The following UBE2T variants were observed in gnomAD, a reference collection of about 807,000 sequenced individuals.
The protein encoded by UBE2T is ubiquitin-conjugating enzyme E2 T.
In UBE2T, 15 loss-of-function variants were observed where a neutral mutation model predicts 23.3. The ratio of observed to expected loss-of-function variants is 0.64; its 90% CI spans 0.43 to 0.99. The LOEUF (loss-of-function observed/expected upper bound fraction) is 0.99, where lower values mean the gene tolerates loss of function less well. Ranked by LOEUF, UBE2T falls within the 50% of genes least tolerant of loss-of-function variation. The pLI is 0.00. For missense variants in UBE2T, 197 were observed against 234.9 expected (o/e 0.84, Z 1.05); for synonymous variants, 67 against 78.4 (o/e 0.85, Z 0.77).
intron 1 of UBE2T, among the ~76,000 whole-genome samples, chr1:202,341,150 C>T (rs1279884816): frequency 6.6e-6 from 1 of 152,234 alleles, no homozygotes; most frequent in African/African-American, 2.4e-5. Context: ...GCATCGTGTT[C>T]TAATTCACCT....
In UBE2T at chr1:202,333,504, T is replaced by C. The variant is rs1245382301; in HGVS notation, c.231A>G (p.Pro77=). The change falls in exon 4 of 7, where the codon CCA becomes CCG. Residue 77 remains proline, a synonymous_variant. Coordinates refer to ENST00000646651, the MANE Select transcript of UBE2T (RefSeq NM_014176.4). ...AAATCCTTCCAGCAGAATCAATGTT[T>C]GGATGATAAATTGGAGTGAGAAATC... is the stretch of plus-strand genomic sequence containing the variant. ...QIRFLTPIYH[P]NIDSAGRICL... 4 of 1,614,050 alleles carry C rather than the reference T, an allele frequency of 2.5e-6. No individual in the cohort carries two copies. The highest frequency in any genetic ancestry group is 3.4e-6 in the Non-Finnish European group (4 of 1,180,042).
chr1:202,333,054 T>A lies in UBE2T; in HGVS notation c.424A>T (p.Asn142Tyr). 1 of 1,613,948 alleles carries A rather than the reference T, an allele frequency of 6.2e-7. No individual in the cohort carries two copies. Among genetic ancestry groups the A allele is most frequent in the Non-Finnish European group, 8.5e-7 (1 of 1,179,950 alleles). ...FKYNKPAFLKNARQWTEKHAR... is the reference protein window; with the variant it reads ...FKYNKPAFLKYARQWTEKHAR... ...TGCTTCTCTGTCCACTGTCTGGCAT[T>A]CTTGAGGAAGGCTGGCTTATTATAT... Residue 142 changes from asparagine to tyrosine, a missense_variant, in exon 6 of 7, where the codon AAT (asparagine) becomes TAT (tyrosine). Coordinates refer to ENST00000646651, the MANE Select transcript of UBE2T (RefSeq NM_014176.4).
Position 202,335,140 on chromosome 1 carries a change from G to C in UBE2T, c.110-82C>G. On this transcript the variant is annotated intron_variant, in intron 2 of 6. Coordinates refer to ENST00000646651, the MANE Select transcript of UBE2T (RefSeq NM_014176.4). The surrounding 1 kb of genome is among the most constrained non-coding windows in gnomAD (Gnocchi z 4.0). Reference sequence around the variant, plus strand: ...CCATATGGAGCTAATGAGGTCTATGGTCCTAATAGAGAAACTAGGCCTAGG... The same window carrying C: ...CCATATGGAGCTAATGAGGTCTATGCTCCTAATAGAGAAACTAGGCCTAGG... 2 of 1,168,170 alleles carry C rather than the reference G, an allele frequency of 1.7e-6. No individual in the cohort carries two copies. The highest frequency in any genetic ancestry group is 1.2e-6 in the Non-Finnish European group (1 of 819,518). 72.4% of individuals were successfully genotyped at this position (1,168,170 alleles called of 1,614,324 possible). A position where few individuals can be genotyped will look rare whatever the true frequency, so the allele number is the denominator to read the frequency against.
intron 3 of UBE2T, 90 bp downstream of exon 3, chr1:202,334,899 A>G: frequency 2.5e-6 from 3 of 1,208,786 alleles, no homozygotes; most frequent in Non-Finnish European, 3.5e-6. Flanking sequence ...ATTAAAACCT[A>G]GTCCTTTATG....
At position 202,335,066 on chromosome 1, in the gene UBE2T, GA is replaced by G; in HGVS notation, c.110-9del. The G allele has an allele frequency of 1.2e-6, 2 of 1,601,438 alleles. No homozygotes were observed. Among genetic ancestry groups the G allele is most frequent in the African/African-American group, 1.3e-5 (1 of 74,426 alleles). On this transcript the variant is annotated splice_polypyrimidine_tract_variant and intron_variant, in intron 2 of 6. Transcript: ENST00000646651. This position sits in a 1 kb window ranked among gnomAD's most constrained non-coding sequence, Gnocchi z 4.0. ...TGGCTCCACCTAATATTTCTTAAAA[GA>G]AAAAAGAAAGAAAAAGTTAAAAGGG...
chr1:202,341,577 CAAAAAAAAA>C (rs57598991), intron 1 of UBE2T, among the ~76,000 whole-genome samples: 36 of 20,310 alleles, frequency 1.8e-3, no homozygotes, highest in Non-Finnish European at 1.4e-3. Context: ...GACTCCGTCT[CAAAAAAAAA>C]AAAAAAAAAA....
In UBE2T at chr1:202,333,050, G is replaced by A. The variant is rs867416009; in HGVS notation, c.428C>T (p.Ala143Val). 6.2e-7 allele frequency: 1 copy of A among 1,612,958 alleles called. No homozygotes were observed. The highest frequency in any genetic ancestry group is 8.5e-7 in the Non-Finnish European group (1 of 1,179,746). The change falls in exon 6 of 7, where the codon GCC (alanine) becomes GTC (valine). Residue 143 changes from alanine to valine, a missense_variant. Ala to Val is a moderately conservative substitution (Grantham distance 64). Transcript: ENST00000646651. ...KYNKPAFLKNARQWTEKHARQ... is the reference protein window; with the variant it reads ...KYNKPAFLKNVRQWTEKHARQ... ...TGCATGCTTCTCTGTCCACTGTCTG[G>A]CATTCTTGAGGAAGGCTGGCTTATT...
chr1:202,336,799 C>A (rs953929867), intron 1 of UBE2T, among the ~76,000 whole-genome samples: 1 of 152,142 alleles, frequency 6.6e-6, no homozygotes, highest in African/African-American at 2.4e-5. Context: ...TTCAGGGATA[C>A]CATTCCATCA....
At position 202,331,685 on chromosome 1, in the gene UBE2T, G is replaced by T; in HGVS notation, c.*150C>A. 1.0e-6 allele frequency: 1 copy of T among 976,320 alleles called. No homozygotes were observed. The highest frequency in any genetic ancestry group is 1.5e-6 in the Non-Finnish European group (1 of 669,692). 60.5% of individuals were successfully genotyped at this position (976,320 alleles called of 1,614,324 possible). A position where few individuals can be genotyped will look rare whatever the true frequency, so the allele number is the denominator to read the frequency against. On this transcript the variant is annotated 3_prime_UTR_variant, in exon 7 of 7. Transcript: ENST00000646651. ...ACATTAAATGACTATTTATTTTTCA[G>T]GTTTAAAAGATTTCAAAATACATAT...
In UBE2T at chr1:202,335,732, T is replaced by C. The variant is rs1270644382; in HGVS notation, c.23A>G (p.Lys8Arg). ...TGTGGCTAACATGTGCAGCTCTCTC[T>C]TCAGACGTGAAGCTCTCTGCATGAT... MQRASRL[K>R]RELHMLATEP... is the part of the protein sequence containing the mutation. Residue 8 changes from lysine (K) to arginine (R), a missense_variant, in exon 2 of 7, where the codon AAG becomes AGG. Transcript: ENST00000646651. The surrounding 1 kb of genome is among the most constrained non-coding windows in gnomAD (Gnocchi z 4.0). 1.9e-6 allele frequency: 3 copies of C among 1,614,052 alleles called. No individual in the cohort carries two copies. The South Asian group carries it at 3.3e-5, about 18-fold the overall frequency.
chr1:202,335,095 TC>T lies in UBE2T; in HGVS notation c.110-38del. Reference sequence around the variant, plus strand: ...AAAGAAAGAAAAAGTTAAAAGGGAATCAGATCATTTGAATTACTACCATATG... The same window carrying T: ...AAAGAAAGAAAAAGTTAAAAGGGAATAGATCATTTGAATTACTACCATATG... On this transcript the variant is annotated intron_variant, in intron 2 of 6. Transcript: ENST00000646651. The surrounding 1 kb of genome is among the most constrained non-coding windows in gnomAD (Gnocchi z 4.0). 6.5e-7 allele frequency: 1 copy of T among 1,538,828 alleles called. No homozygotes were observed. The highest frequency in any genetic ancestry group is 8.9e-7 in the Non-Finnish European group (1 of 1,127,424).
At chr1:202,332,220 C>T (rs969757186) in intron 6 of UBE2T, among the ~76,000 whole-genome samples, 11 of 152,148 alleles carry the variant, frequency 7.2e-5, no homozygotes, top group African/African-American at 2.4e-4. Flanking sequence ...TGCTACTTTC[C>T]ATGTTCCTGT....
In UBE2T at chr1:202,334,577, T is replaced by C. The variant is rs571490914; in HGVS notation, c.179+412A>G. On this transcript the variant is annotated intron_variant, in intron 3 of 6. Coordinates refer to ENST00000646651, the MANE Select transcript of UBE2T (RefSeq NM_014176.4). ...GGAGCTTAATGTTAAGAAAGCACAA[T>C]AGTGGTTGCCAGGGGCTGAGAGCGG... is the stretch of plus-strand genomic sequence containing the variant. Among the ~76,000 whole-genome samples, 19 of 152,100 alleles carry C rather than the reference T, an allele frequency of 1.2e-4. 1 individual carries two copies. In the South Asian group the frequency reaches 3.7e-3, roughly 30 times the overall value.
Position 202,335,955 on chromosome 1 carries a change from A to T in UBE2T, c.-64-137T>A. 1.8e-6 allele frequency: 1 copy of T among 545,428 alleles called. No individual in the cohort carries two copies. The highest frequency in any genetic ancestry group is 3.3e-6 in the Non-Finnish European group (1 of 303,864). The allele number at this position is 545,428 out of a possible 1,614,324, so 33.8% of individuals were successfully genotyped here. A position where few individuals can be genotyped will look rare whatever the true frequency, so the allele number is the denominator to read the frequency against. ...GAGACACAGTTTCACTCTGTCACCC[A>T]GACTGGAGGGCAGTGACACCATCTC... On this transcript the variant is annotated intron_variant, in intron 1 of 6. Transcript: ENST00000646651. This position sits in a 1 kb window ranked among gnomAD's most constrained non-coding sequence, Gnocchi z 4.0.
chr1:202,336,300 C>T (rs1282072720), intron 1 of UBE2T, among the ~76,000 whole-genome samples: 1 of 138,462 alleles, frequency 7.2e-6, no homozygotes, highest in East Asian at 2.3e-4. Flanking sequence ...CAGCTCACTG[C>T]AATCTCCACC....
At chr1:202,336,342 C>A (rs1045985176) in intron 1 of UBE2T, among the ~76,000 whole-genome samples, 1 of 151,760 alleles carries the variant, frequency 6.6e-6, no homozygotes. Context: ...CCATCTCAGC[C>A]GCCTATGTAG....
In UBE2T at chr1:202,331,752, A is replaced by G. The variant is rs2148338513; in HGVS notation, c.*83T>C. On this transcript the variant is annotated 3_prime_UTR_variant, in exon 7 of 7. Coordinates refer to ENST00000646651, the MANE Select transcript of UBE2T (RefSeq NM_014176.4). The stretch of plus-strand genomic sequence containing the variant: ...CTACACAAAAATTATGTCATCAAAT[A>G]TATTTAAAAAAAAATTCAAGGTAGG... 1 of 1,530,244 alleles carries G rather than the reference A, an allele frequency of 6.5e-7. No homozygotes were observed. The highest frequency in any genetic ancestry group is 1.2e-5 in the South Asian group (1 of 84,262). 94.8% of individuals were successfully genotyped at this position (1,530,244 alleles called of 1,614,324 possible). A position where few individuals can be genotyped will look rare whatever the true frequency, so the allele number is the denominator to read the frequency against.
chr1:202,335,139 G>T lies in UBE2T; in HGVS notation c.110-81C>A. The T allele has an allele frequency of 8.6e-7, 1 of 1,167,550 alleles. No individual in the cohort carries two copies. The highest frequency in any genetic ancestry group is 2.6e-5 in the East Asian group (1 of 39,112). The allele number at this position is 1,167,550 out of a possible 1,614,324, so 72.3% of individuals were successfully genotyped here. On this transcript the variant is annotated intron_variant, in intron 2 of 6. Coordinates refer to ENST00000646651, the MANE Select transcript of UBE2T (RefSeq NM_014176.4). The surrounding 1 kb of genome is among the most constrained non-coding windows in gnomAD (Gnocchi z 4.0). ...ACCATATGGAGCTAATGAGGTCTAT[G>T]GTCCTAATAGAGAAACTAGGCCTAG...
intron 6 of UBE2T, among the ~76,000 whole-genome samples, chr1:202,332,261 A>G (rs778414693): frequency 3.3e-5 from 5 of 152,224 alleles, no homozygotes; most frequent in Admixed American, 6.5e-5. Context: ...AGGAAATTCT[A>G]TCAACCTGAA....
Sources: allele counts gnomAD v4.1 joint callset (sites outside exome capture counted in the v4.1 genomes callset), GRCh38; gene constraint gnomAD v4.1.1; non-coding constraint Gnocchi (gnomAD v3.1); transcripts MANE v1.5; gene names NCBI Gene and HGNC (gene_info 2026-07-23, HGNC 2026-07-21).